DNAH3: variants seen among roughly 807,000 people sequenced by gnomAD.
DNAH3 encodes dynein axonemal heavy chain 3.
A neutral mutation model predicts 432.5 loss-of-function variants in DNAH3; 332 were observed. The observed-to-expected ratio is 0.77, with a 90% confidence interval of 0.70 to 0.84. DNAH3 has a LOEUF of 0.84. Among genes scored for constraint, DNAH3 ranks in the 40% least tolerant of loss-of-function variants. The probability of loss-of-function intolerance (pLI) is 0.00; values close to 1 mark genes in which losing one functional copy is unlikely to be tolerated. For synonymous variants in DNAH3, 1,956 were observed against 1,900.2 expected, an observed-to-expected ratio of 1.03 and a Z score of -0.76; for missense variants, 4,861 against 5,114.0, an observed-to-expected ratio of 0.95 and a Z score of 1.51.
At chr16:21,128,211 T>C (rs1204120408) in intron 7 of DNAH3, among the ~76,000 whole-genome samples, 1 of 152,046 alleles carries the variant, frequency 6.6e-6, no homozygotes, top group African/African-American at 2.4e-5. Flanking sequence ...ATCTTCATCA[T>C]CAAATGGGAT....
rs188205075 is a variant in DNAH3 at position 21,078,236 on chromosome 16, T to C, written c.2970-2675A>G. Among the ~76,000 whole-genome samples, 307 of 145,704 alleles carry C rather than the reference T, an allele frequency of 2.1e-3. 1 individual carries two copies. Among genetic ancestry groups the C allele is most frequent in the African/African-American group, 7.4e-3 (287 of 38,930 alleles). ...GTTGCATTGAGCCAAGATCATGTCA[T>C]TGCACTCCAGTCTGGGCAACAAGAG... On this transcript the variant is annotated intron_variant, in intron 20 of 61. Coordinates refer to ENST00000261383, the Ensembl canonical transcript of DNAH3.
At chr16:20,955,540 T>C (rs2084524409) in intron 54 of DNAH3, among the ~76,000 whole-genome samples, 1 of 151,754 alleles carries the variant, frequency 6.6e-6, no homozygotes, top group Non-Finnish European at 1.5e-5. Context: ...GCTCAAGTGA[T>C]CCTCCCACCT....
chr16:20,975,428 G>C lies in DNAH3; in HGVS notation c.8077-13C>G, dbSNP rs1045661726. The C allele has an allele frequency of 1.1e-5, 18 of 1,609,180 alleles. No homozygotes were observed. The highest frequency in any genetic ancestry group is 1.7e-5 in the Admixed American group (1 of 59,200). ...GCATAACCGCTACCTAGCAAGGAGA[G>C]AGGTGGGAGAAATCCAGGGTCAGCA... is the stretch of plus-strand genomic sequence containing the variant. On this transcript the variant is annotated splice_polypyrimidine_tract_variant and intron_variant, in intron 50 of 61. Coordinates refer to ENST00000261383, the Ensembl canonical transcript of DNAH3.
intron 1 of DNAH3, among the ~76,000 whole-genome samples, chr16:21,154,334 G>C (rs190057612): frequency 6.6e-6 from 1 of 152,140 alleles, no homozygotes; most frequent in Non-Finnish European, 1.5e-5. Context: ...GAACACAGGA[G>C]GTGGAGGTTG....
intron 41 of DNAH3, among the ~76,000 whole-genome samples, chr16:21,010,418 AG>A (rs2152701470): frequency 6.6e-6 from 1 of 152,304 alleles, no homozygotes; most frequent in South Asian, 2.1e-4. Flanking sequence ...GACTTTTCAA[AG>A]GTCACACAAT....
chr16:21,060,206 C>G, intron 26 of DNAH3, 58 bp downstream of exon 26: 2 of 1,396,062 alleles, frequency 1.4e-6, no homozygotes, highest in South Asian at 2.3e-5. Context: ...GAACCTTCTC[C>G]CCAATGTTCT....
chr16:21,039,313 G>A (rs1241180240), intron 33 of DNAH3, among the ~76,000 whole-genome samples: 3 of 144,444 alleles, frequency 2.1e-5, no homozygotes, highest in Admixed American at 1.4e-4. Context: ...CCGCCTCCAC[G>A]GTTCAAGTGG....
chr16:21,014,553 GA>G (rs1217556087), intron 41 of DNAH3, among the ~76,000 whole-genome samples: 2 of 152,150 alleles, frequency 1.3e-5, no homozygotes, highest in Non-Finnish European at 2.9e-5. Flanking sequence ...GCAAGATAAG[GA>G]AGCCCTTTTT....
chr16:21,102,580 G>A lies in DNAH3; in HGVS notation c.2366+1891C>T, dbSNP rs1233695023. ...TCTGATTCTATCCCGTTCTCCAGAT[G>A]AGGGGCACAGAGTCTCAAAAAGATG... On this transcript the variant is annotated intron_variant, in intron 16 of 61. Coordinates refer to ENST00000261383, the Ensembl canonical transcript of DNAH3. Among the ~76,000 whole-genome samples the A allele has an allele frequency of 2.0e-5, 3 of 152,148 alleles. No homozygotes were observed. In the East Asian group the frequency reaches 5.8e-4, roughly 29 times the overall value.
chr16:20,977,877 G>A (rs1372349693), intron 50 of DNAH3, among the ~76,000 whole-genome samples: 1 of 152,170 alleles, frequency 6.6e-6, no homozygotes, highest in Non-Finnish European at 1.5e-5. Flanking sequence ...CACCCTTGCT[G>A]GACAGACTTC....
rs1433894569 is a variant in DNAH3 at position 21,098,616 on chromosome 16, C to T, written c.2520G>A (p.Glu840=). ...AAGTCCCCATCTCAAGATCCCAAAC[C>T]TCAAACTCTGCAAACGCCCGATTTA... Residue 840 remains glutamate (E), a splice_region_variant and synonymous_variant, in exon 17 of 62, where the codon GAG becomes GAA. Coordinates refer to ENST00000261383, the Ensembl canonical transcript of DNAH3. 1.9e-6 allele frequency: 3 copies of T among 1,610,762 alleles called. 1 individual carries two copies. The Admixed American group carries it at 5.0e-5, about 27-fold the overall frequency.
At chr16:21,115,740 T>TA (rs2092180236) in intron 12 of DNAH3, among the ~76,000 whole-genome samples, 2 of 148,314 alleles carry the variant, frequency 1.3e-5, no homozygotes, top group South Asian at 4.2e-4. Flanking sequence ...TAAAATAAAA[T>TA]AAAATAAAAA....
At chr16:21,061,148 G>A (rs1489476992) in intron 25 of DNAH3, among the ~76,000 whole-genome samples, 2 of 149,740 alleles carry the variant, frequency 1.3e-5, no homozygotes, top group African/African-American at 4.9e-5. Flanking sequence ...CTTGGCCCCA[G>A]CCAATATTCC....
intron 21 of DNAH3, among the ~76,000 whole-genome samples, chr16:21,073,460 G>C (rs1567743247): frequency 6.6e-6 from 1 of 152,154 alleles, no homozygotes; most frequent in Admixed American, 6.5e-5. Flanking sequence ...TGCTGGGAGA[G>C]GCTCAGTAAT....
intron 49 of DNAH3, among the ~76,000 whole-genome samples, chr16:20,980,200 A>T (rs1027768801): frequency 7.8e-5 from 10 of 127,682 alleles, no homozygotes; most frequent in African/African-American, 2.9e-4. Flanking sequence ...ATTTTATTAT[A>T]TATTTATTTA....
chr16:21,058,843 G>A (rs990126521), intron 26 of DNAH3, among the ~76,000 whole-genome samples: 1 of 152,038 alleles, frequency 6.6e-6, no homozygotes, highest in Admixed American at 6.6e-5. Flanking sequence ...GTTAGGAGGT[G>A]GGGGGCAAGG....
intron 60 of DNAH3, among the ~76,000 whole-genome samples, chr16:20,936,348 G>A (rs2083589096): frequency 6.6e-6 from 1 of 152,016 alleles, no homozygotes; most frequent in Non-Finnish European, 1.5e-5. Flanking sequence ...TAGAGACGGG[G>A]TTTCACCATG....
chr16:21,120,740 C>G (rs775686854), exon 11 of DNAH3: 1 of 1,610,408 alleles, frequency 6.2e-7, no homozygotes, highest in Non-Finnish European at 8.5e-7. Context: ...GCCCTGGTAC[C>G]TGCCATTGCA....
At chr16:21,138,539 C>T (rs770121068) in intron 5 of DNAH3, among the ~76,000 whole-genome samples, 55 of 151,810 alleles carry the variant, frequency 3.6e-4, no homozygotes, top group Non-Finnish European at 7.1e-4. Context: ...TGGCTGGGTG[C>T]GGTGGCTCAC....
Sources: gnomAD v4.1 joint callset for allele counts (sites outside exome capture counted in the v4.1 genomes callset) on GRCh38, gnomAD v4.1.1 for gene constraint, MANE v1.5 for transcripts, NCBI Gene and HGNC (gene_info 2026-07-23, HGNC 2026-07-21) for gene names.